The following CTNNA3 variants were observed in gnomAD, a reference collection of about 807,000 sequenced individuals.
The protein encoded by CTNNA3 is catenin alpha-3.
CTNNA3 carries 76 observed loss-of-function variants against 95.7 expected under a neutral mutation model. The observed-to-expected ratio is 0.79, with a 90% CI of 0.66 to 0.96. The LOEUF is 0.96. CTNNA3 is among the 40% of genes least tolerant of loss of function. The probability of loss-of-function intolerance (pLI) is 0.00; values close to 1 mark genes in which losing one functional copy is unlikely to be tolerated. For missense variants in CTNNA3, 1,191 were observed against 1,089.8 expected (o/e 1.09, Z -1.31); for synonymous variants, 431 against 374.4 (o/e 1.15, Z -1.74).
chr10:67,020,422 G>C (rs554886988), intron 7 of CTNNA3, among the ~76,000 whole-genome samples: 1 of 152,208 alleles, frequency 6.6e-6, no homozygotes, highest in South Asian at 2.1e-4. Flanking sequence ...TGGCAGCAGG[G>C]ATATTGTAAC....
chr10:67,396,314 A>G (rs1844704192), intron 5 of CTNNA3, among the ~76,000 whole-genome samples: 1 of 152,204 alleles, frequency 6.6e-6, no homozygotes, highest in Admixed American at 6.5e-5. Flanking sequence ...CAAATAAAAT[A>G]TTAAATAAGA....
chr10:67,444,030 T>C (rs1363145000), intron 5 of CTNNA3, among the ~76,000 whole-genome samples: 1 of 152,208 alleles, frequency 6.6e-6, no homozygotes, highest in Non-Finnish European at 1.5e-5. Context: ...ATATTTAATC[T>C]GTGCTATAGA....
intron 15 of CTNNA3, among the ~76,000 whole-genome samples, chr10:66,021,487 A>G (rs563190497): frequency 1.4e-5 from 1 of 72,816 alleles, no homozygotes; most frequent in East Asian, 1.5e-3. Flanking sequence ...TACATTAAAA[A>G]TAACGAGGTA....
intron 13 of CTNNA3, among the ~76,000 whole-genome samples, chr10:66,246,148 C>T (rs1202448902): frequency 6.6e-6 from 1 of 152,202 alleles, no homozygotes; most frequent in East Asian, 1.9e-4. Context: ...TGGGCTTGGC[C>T]CTGACTTTCC....
At chr10:67,354,815 G>T (rs1420479468) in intron 5 of CTNNA3, among the ~76,000 whole-genome samples, 2 of 151,876 alleles carry the variant, frequency 1.3e-5, no homozygotes, top group Non-Finnish European at 2.9e-5. Context: ...TTAATTGCTG[G>T]TCTTACAATA....
chr10:66,932,966 A>C (rs1847492329), intron 7 of CTNNA3, among the ~76,000 whole-genome samples: 1 of 152,236 alleles, frequency 6.6e-6, no homozygotes, highest in Admixed American at 6.5e-5. Flanking sequence ...TCACAGGTAC[A>C]TTTCCTGGCT....
chr10:67,089,182 G>T (rs1190483772), intron 7 of CTNNA3, among the ~76,000 whole-genome samples: 1 of 152,022 alleles, frequency 6.6e-6, no homozygotes, highest in African/African-American at 2.4e-5. Flanking sequence ...AGGGAGGACT[G>T]TACTTGTGAC....
chr10:66,786,578 A>G (rs1226028193), intron 7 of CTNNA3, among the ~76,000 whole-genome samples: 1 of 152,174 alleles, frequency 6.6e-6, no homozygotes, highest in Non-Finnish European at 1.5e-5. Context: ...GGTAACTAGA[A>G]AAGTTTGGCC....
intron 17 of CTNNA3, among the ~76,000 whole-genome samples, chr10:65,935,355 A>C (rs976616161): frequency 8.6e-5 from 13 of 152,042 alleles, no homozygotes; most frequent in African/African-American, 2.7e-4. Context: ...GGTTTTTTTT[A>C]ATCTTATCGT....
intron 7 of CTNNA3, among the ~76,000 whole-genome samples, chr10:67,160,433 CTTT>C (rs71006132): frequency 1.3e-4 from 12 of 92,766 alleles, no homozygotes; most frequent in African/African-American, 2.8e-4. Flanking sequence ...TTCATCACAT[CTTT>C]TTTTTTTTTT....
intron 7 of CTNNA3, among the ~76,000 whole-genome samples, chr10:66,959,541 T>A (rs2132764246): frequency 1.3e-5 from 2 of 152,266 alleles, no homozygotes; most frequent in East Asian, 3.9e-4. Context: ...GTTATTTCCA[T>A]GAGCTTGGGA....
intron 10 of CTNNA3, among the ~76,000 whole-genome samples, chr10:66,562,415 C>T (rs748174084): frequency 1.2e-4 from 18 of 152,118 alleles, no homozygotes; most frequent in Non-Finnish European, 2.2e-4. Flanking sequence ...AGATTTCTAA[C>T]TCCCAAGTCC....
intron 5 of CTNNA3, among the ~76,000 whole-genome samples, chr10:67,506,016 T>C (rs1427356247): frequency 6.6e-6 from 1 of 152,208 alleles, no homozygotes; most frequent in African/African-American, 2.4e-5. Flanking sequence ...CCATAAGTGA[T>C]ACTAAAAATG....
At chr10:66,493,857 AGCCTCCCAAAGT>A (rs1337646223) in intron 11 of CTNNA3, among the ~76,000 whole-genome samples, 1 of 147,120 alleles carries the variant, frequency 6.8e-6, no homozygotes, top group East Asian at 2.1e-4. Flanking sequence ...CACCCGCCTC[AGCCTCCCAAAGT>A]GCTGGGATTA....
chr10:67,455,895 T>C (rs1406858036), intron 5 of CTNNA3, among the ~76,000 whole-genome samples: 1 of 152,108 alleles, frequency 6.6e-6, no homozygotes, highest in Non-Finnish European at 1.5e-5. Context: ...CTGAATAAAA[T>C]GTAGAGTTTA....
chr10:67,306,475 G>A (rs1840557320), intron 5 of CTNNA3, among the ~76,000 whole-genome samples: 1 of 152,152 alleles, frequency 6.6e-6, no homozygotes, highest in Non-Finnish European at 1.5e-5. Flanking sequence ...CACACTGCCT[G>A]ACATCCTTAA....
rs1839894641 is a variant in CTNNA3 at position 67,292,955 on chromosome 10, TG to T, written c.580-73086del. On this transcript the variant is annotated intron_variant, in intron 5 of 17. Transcript: ENST00000433211. ...TCAGCACTTGAAACTTTTTCCTCTT[TG>T]TCCAATACTAGATAAATAAACCATT... Among the ~76,000 whole-genome samples the T allele has an allele frequency of 2.0e-5, 3 of 151,936 alleles. No individual in the cohort carries two copies. In the South Asian group the frequency reaches 6.2e-4, roughly 31 times the overall value.
intron 13 of CTNNA3, among the ~76,000 whole-genome samples, chr10:66,276,377 G>A (rs190192750): frequency 7.2e-5 from 11 of 152,002 alleles, no homozygotes; most frequent in African/African-American, 1.7e-4. Context: ...ACTTCACTGC[G>A]GGCCACTTAT....
At chr10:66,931,794 T>C (rs568606080) in intron 7 of CTNNA3, among the ~76,000 whole-genome samples, 1 of 152,282 alleles carries the variant, frequency 6.6e-6, no homozygotes, top group East Asian at 1.9e-4. Context: ...TAGAAATAAG[T>C]GTCCAAGATG....
Sources: allele counts gnomAD v4.1 joint callset (sites outside exome capture counted in the v4.1 genomes callset), GRCh38; gene constraint gnomAD v4.1.1; transcripts MANE v1.5; gene names NCBI Gene and HGNC (gene_info 2026-07-23, HGNC 2026-07-21).